Variants in LSS observed in about 807,000 individuals in gnomAD.
LSS encodes 2,3-epoxysqualene-lanosterol cyclase.
LSS carries 90 observed loss-of-function variants against 110.3 expected under a neutral mutation model. That is an observed-to-expected ratio of 0.82 (90% CI 0.69 to 0.97). LSS has a LOEUF of 0.97. Ranked by LOEUF, LSS falls within the 50% of genes least tolerant of loss-of-function variation. The pLI, the probability that LSS is intolerant of heterozygous loss-of-function variation, is 0.00. For missense variants in LSS, 927 were observed against 990.0 expected, an observed-to-expected ratio of 0.94 and a Z score of 0.85; for synonymous variants, 433 against 400.0, an observed-to-expected ratio of 1.08 and a Z score of -0.98.
Position 46,215,245 on chromosome 21 carries a change from C to T in LSS, c.946G>A (p.Val316Met), listed in dbSNP as rs371221726. 48 of 1,611,076 alleles carry T rather than the reference C, an allele frequency of 3.0e-5. No individual in the cohort carries two copies. Among genetic ancestry groups the T allele is most frequent in the Middle Eastern group, 2.1e-4 (1 of 4,692 alleles). The part of the protein sequence containing the change: ...HHSAHLRQRA[V>M]QKLYEHIVAD... Reference sequence around the variant, plus strand: ...ACAATGTGTTCATACAGCTTCTGCACGGCCCGCTGCCGCAGGTGGGCACTG... The same window carrying T: ...ACAATGTGTTCATACAGCTTCTGCATGGCCCGCTGCCGCAGGTGGGCACTG... Residue 316 changes from valine to methionine, a missense_variant, in exon 9 of 22, where the codon GTG becomes ATG. Coordinates refer to ENST00000397728, the MANE Select transcript of LSS (RefSeq NM_002340.6).
At position 46,216,374 on chromosome 21, in the gene LSS, C is replaced by G. The variant is rs748911957; in HGVS notation, c.783+15G>C. 2.5e-6 allele frequency: 4 copies of G among 1,613,562 alleles called. No homozygotes were observed. Among genetic ancestry groups the G allele is most frequent in the Non-Finnish European group, 3.4e-6 (4 of 1,179,982 alleles). On this transcript the variant is annotated intron_variant, in intron 7 of 21. Coordinates refer to ENST00000397728, the MANE Select transcript of LSS (RefSeq NM_002340.6). The surrounding 1 kb of genome is among the most constrained non-coding windows in gnomAD (Gnocchi z 4.2). ...GCCCCAGAGGCCTTCACTTTGTTCC[C>G]TGATGAGGTCCTACCTGGCGGAGGC...
rs1215316390 is a variant in LSS at position 46,193,277 on chromosome 21, T to C, written c.1988+1214A>G. 1.2e-5 allele frequency: 3 copies of C among 240,152 alleles called. 1 individual carries two copies. The highest frequency in any genetic ancestry group is 3.2e-4 in the East Asian group (2 of 6,238). The allele number at this position is 240,152 out of a possible 1,614,324, so 14.9% of individuals were successfully genotyped here. On this transcript the variant is annotated intron_variant, in intron 20 of 21. Coordinates refer to ENST00000397728, the MANE Select transcript of LSS (RefSeq NM_002340.6). The stretch of plus-strand genomic sequence containing the variant: ...GTGTGTGCACAGACCTGTGTGTGCA[T>C]GTGTCTCCATGTACCTACGTCTGTG...
intron 5 of LSS, 39 bp from the exon 6 acceptor site, chr21:46,219,611 T>C (rs1716910043): frequency 1.6e-5 from 22 of 1,362,530 alleles, no homozygotes; most frequent in Non-Finnish European, 2.0e-5. Context: ...ATCTGCTTCC[T>C]GTCAGCAAAG....
rs575197831 is a variant in LSS, at chr21:46,222,055, C to T, written c.429-80G>A. On this transcript the variant is annotated intron_variant, in intron 4 of 21. Transcript: ENST00000397728. ...TAAAGCAAAACTTTCTGTGGAGTTT[C>T]CTCAGAAAACTAAGAATGCTAAAAT... 1.5e-4 allele frequency: 236 copies of T among 1,538,256 alleles called. 1 individual carries two copies. In the South Asian group the frequency reaches 2.6e-3, roughly 17 times the overall value.
chr21:46,206,685 G>C lies in LSS; in HGVS notation c.1551C>G (p.Pro517=), dbSNP rs369100870. 1 of 1,612,658 alleles carries C rather than the reference G, an allele frequency of 6.2e-7. No individual in the cohort carries two copies. The highest frequency in any genetic ancestry group is 2.2e-5 in the East Asian group (1 of 44,872). The change falls in exon 16 of 22, where the codon CCC becomes CCG. Residue 517 remains proline, a synonymous_variant. Coordinates refer to ENST00000397728, the MANE Select transcript of LSS (RefSeq NM_002340.6). The stretch of plus-strand genomic sequence containing the variant: ...CCGACCACTCACCGAAGACCTCCGA[G>C]GGGTTCAGCAGCTCCAGCAAGTGCC... ...RGGHLLELLN[P]SEVFGDIMID... is the part of the protein sequence containing the mutation.
intron 17 of LSS, among the ~76,000 whole-genome samples, chr21:46,205,576 G>A (rs1239563874): frequency 6.6e-6 from 1 of 152,230 alleles, no homozygotes; most frequent in African/African-American, 2.4e-5. Context: ...GTGGAGTCAG[G>A]TATGTGATGT....
chr21:46,211,750 G>A (rs1356534210), intron 11 of LSS, among the ~76,000 whole-genome samples: 1 of 152,180 alleles, frequency 6.6e-6, no homozygotes, highest in Non-Finnish European at 1.5e-5. Flanking sequence ...CAAAAACTCA[G>A]GGAACATAAG....
chr21:46,225,702 G>A (rs1441071537), intron 3 of LSS, among the ~76,000 whole-genome samples: 4 of 152,140 alleles, frequency 2.6e-5, no homozygotes, highest in Non-Finnish European at 5.9e-5. Flanking sequence ...AATGGCATAA[G>A]CTGTCTCTCT....
At chr21:46,208,457 G>C (rs940799236) in intron 13 of LSS, among the ~76,000 whole-genome samples, 156 bp from the exon 14 acceptor site, 1 of 152,228 alleles carries the variant, frequency 6.6e-6, no homozygotes, top group African/African-American at 2.4e-5. Context: ...GTGCTGCGAG[G>C]CGCGCGAGGG....
chr21:46,205,288 CGAGCAGGA>C (rs58934391), intron 17 of LSS, among the ~76,000 whole-genome samples: 59,398 of 151,412 alleles, frequency 0.39, 11,861 homozygotes, highest in African/African-American at 0.47. Context: ...TGACTAACCG[CGAGCAGGA>C]GAGCAGGAGA....
rs1435210178 is a variant in LSS, at chr21:46,188,523, T to A, written c.*2581A>T. On this transcript the variant is annotated 3_prime_UTR_variant, in exon 22 of 22. Coordinates refer to ENST00000397728, the MANE Select transcript of LSS (RefSeq NM_002340.6). Reference sequence around the variant, plus strand: ...AGGCTGCACCGGTACAGCTGCCATCTCCTCTTGGTGGTGTCCTTTGTCAAG... The same window carrying A: ...AGGCTGCACCGGTACAGCTGCCATCACCTCTTGGTGGTGTCCTTTGTCAAG... 9.8e-6 allele frequency: 4 copies of A among 409,792 alleles called. No individual in the cohort carries two copies. The East Asian group carries it at 2.9e-4, about 30-fold the overall frequency. The allele number at this position is 409,792 out of a possible 1,614,324, so 25.4% of individuals were successfully genotyped here. A position where few individuals can be genotyped will look rare whatever the true frequency, so the allele number is the denominator to read the frequency against.
chr21:46,196,151 A>G (rs1487542299), intron 18 of LSS, 51 bp downstream of exon 18: 3 of 1,561,698 alleles, frequency 1.9e-6, no homozygotes. Context: ...GTGAGAGCAG[A>G]AACCTGTGGA....
Position 46,219,498 on chromosome 21 carries a change from T to C in LSS, c.625A>G (p.Asn209Asp), listed in dbSNP as rs754230211. 4.4e-6 allele frequency: 7 copies of C among 1,600,964 alleles called. No individual in the cohort carries two copies. In the East Asian group the frequency reaches 1.4e-4, roughly 31 times the overall value. ...TACCACATCTCTGGGAACAGGGTAT[T>C]GAGGCCTTCCCAGCTGTAAACATTC... ...VLNVYSWEGL[N>D]TLFPEMWLFP... Residue 209 changes from asparagine (N) to aspartate (D), a missense_variant, in exon 6 of 22, where the codon AAT becomes GAT. Coordinates refer to ENST00000397728, the MANE Select transcript of LSS (RefSeq NM_002340.6).
chr21:46,222,736 G>A lies in LSS; in HGVS notation c.322C>T (p.Leu108Phe). ...CGTGCCACGTGGCAAGTGATCAGGA[G>A]GCCTGTGTGGCAGGAGAGATGTTCC... ...YGGPLFLLPG[L>F]LITCHVARIP... Residue 108 changes from leucine (L) to phenylalanine (F), a missense_variant and splice_region_variant, in exon 4 of 22, where the codon CTC (leucine) becomes TTC (phenylalanine). Coordinates refer to ENST00000397728, the MANE Select transcript of LSS (RefSeq NM_002340.6). 2.5e-6 allele frequency: 4 copies of A among 1,612,584 alleles called. No individual in the cohort carries two copies. The highest frequency in any genetic ancestry group is 3.4e-6 in the Non-Finnish European group (4 of 1,179,164).
At position 46,193,858 on chromosome 21, in the gene LSS, T is replaced by C. The variant is rs1281966404; in HGVS notation, c.1988+633A>G. The C allele has an allele frequency of 1.9e-5, 8 of 429,502 alleles. 1 individual carries two copies. Among genetic ancestry groups the C allele is most frequent in the Middle Eastern group, 6.7e-4 (1 of 1,490 alleles). 26.6% of individuals were successfully genotyped at this position (429,502 alleles called of 1,614,324 possible). A position where few individuals can be genotyped will look rare whatever the true frequency, so the allele number is the denominator to read the frequency against. Reference sequence around the variant, plus strand: ...AGGTGCCTGTGCATGCATACGTGTGTGCACAGACCTGTGTGTGCATCTGTC... The same window carrying C: ...AGGTGCCTGTGCATGCATACGTGTGCGCACAGACCTGTGTGTGCATCTGTC... On this transcript the variant is annotated intron_variant, in intron 20 of 21. Coordinates refer to ENST00000397728, the MANE Select transcript of LSS (RefSeq NM_002340.6).
Position 46,209,523 on chromosome 21 carries a change from G to GC in LSS, c.1266+30dup, listed in dbSNP as rs1286598963. On this transcript the variant is annotated intron_variant, in intron 13 of 21. Coordinates refer to ENST00000397728, the MANE Select transcript of LSS (RefSeq NM_002340.6). The surrounding 1 kb of genome is among the most constrained non-coding windows in gnomAD (Gnocchi z 4.4). ...CTCCCAGCCCTGATCCCCCTCTTCA[G>GC]CCCCCTCAGAGCCCCAGGCACCGGC... The GC allele has an allele frequency of 2.5e-6, 4 of 1,577,110 alleles. No homozygotes were observed. The highest frequency in any genetic ancestry group is 3.4e-6 in the Non-Finnish European group (4 of 1,160,200).
intron 17 of LSS, among the ~76,000 whole-genome samples, chr21:46,202,853 G>A (rs1189921799): frequency 2.0e-5 from 3 of 152,212 alleles, no homozygotes; most frequent in Non-Finnish European, 4.4e-5. Context: ...CTCCAGCCTA[G>A]GTAACAGAGT....
chr21:46,204,638 A>G (rs2080023139), intron 17 of LSS, among the ~76,000 whole-genome samples: 1 of 152,066 alleles, frequency 6.6e-6, no homozygotes, highest in Non-Finnish European at 1.5e-5. Context: ...AAAAAGAAAG[A>G]AAGAAAGAAA....
chr21:46,208,284 G>A lies in LSS; in HGVS notation c.1284C>T (p.Pro428=), dbSNP rs527464718. The A allele has an allele frequency of 1.0e-5, 16 of 1,552,766 alleles. No individual in the cohort carries two copies. Among genetic ancestry groups the A allele is most frequent in the African/African-American group, 2.7e-5 (2 of 73,208 alleles). The part of the protein sequence containing the change: ...LRLSQVPDNP[P]DYQKYYRQMR... ...TCTGGCGGTAGTACTTCTGGTAGTC[G>A]GGAGGGTTATCTGGGACCTGGGCAG... is the stretch of plus-strand genomic sequence containing the variant. The change falls in exon 14 of 22, where the codon CCC becomes CCT. Residue 428 remains proline (P), a synonymous_variant. Coordinates refer to ENST00000397728, the MANE Select transcript of LSS (RefSeq NM_002340.6).
Sources: allele counts gnomAD v4.1 joint callset (sites outside exome capture counted in the v4.1 genomes callset), GRCh38; gene constraint gnomAD v4.1.1; non-coding constraint Gnocchi (gnomAD v3.1); transcripts MANE v1.5; gene names NCBI Gene and HGNC (gene_info 2026-07-23, HGNC 2026-07-21).